The following CCDC93 variants were observed in gnomAD, a reference collection of about 807,000 sequenced individuals.
The protein encoded by CCDC93 is CCC complex scaffolding subunit CCDC93.
CCDC93 carries 61 observed loss-of-function variants against 108.2 expected under a neutral mutation model. The ratio of observed to expected loss-of-function variants is 0.56; its 90% CI spans 0.46 to 0.70. The LOEUF (loss-of-function observed/expected upper bound fraction) is 0.70, where lower values mean the gene tolerates loss of function less well. Ranked by LOEUF, CCDC93 falls within the 30% of genes least tolerant of loss-of-function variation. The probability of loss-of-function intolerance (pLI) is 0.00; values close to 1 mark genes in which losing one functional copy is unlikely to be tolerated. For missense variants in CCDC93, 685 were observed against 764.2 expected (o/e 0.90, Z 1.22); for synonymous variants, 276 against 260.4 (o/e 1.06, Z -0.58).
chr2:118,013,823 T>C (rs911013362), intron 1 of CCDC93, 131 bp downstream of exon 1: 2 of 783,374 alleles, frequency 2.6e-6, no homozygotes, highest in East Asian at 3.2e-5. Context: ...GGCGCTTCCC[T>C]GAGGTGGATA....
chr2:118,006,700 G>C, intron 3 of CCDC93, 22 bp downstream of exon 3: 1 of 1,456,492 alleles, frequency 6.9e-7, no homozygotes, highest in African/African-American at 1.4e-5. Flanking sequence ...CCCACCTTTA[G>C]GTTTTCCATA....
intron 18 of CCDC93, 101 bp from the exon 19 acceptor site, chr2:117,941,398 C>A: frequency 1.2e-6 from 1 of 824,514 alleles, no homozygotes; most frequent in South Asian, 1.5e-5. Flanking sequence ...TGAGCCCAAC[C>A]ATGCGCCCTA....
At chr2:117,953,866 C>A (rs769859836) in intron 12 of CCDC93, among the ~76,000 whole-genome samples, 1 of 151,908 alleles carries the variant, frequency 6.6e-6, no homozygotes, top group Non-Finnish European at 1.5e-5. Flanking sequence ...TGGACTCTAG[C>A]GTAGATGATG....
At chr2:117,998,740 G>A (rs928097264) in intron 4 of CCDC93, 13 of 152,026 alleles carry the variant, frequency 8.6e-5, no homozygotes, top group African/African-American at 2.7e-4. Context: ...AGTTAAAAAC[G>A]GTCTAATCTC....
At position 117,975,218 on chromosome 2, in the gene CCDC93, G is replaced by T; in HGVS notation, c.720C>A (p.His240Gln). 1 of 1,613,432 alleles carries T rather than the reference G, an allele frequency of 6.2e-7. No individual in the cohort carries two copies. Among genetic ancestry groups the T allele is most frequent in the Non-Finnish European group, 8.5e-7 (1 of 1,179,518 alleles). ...GLSATEKADA[H>Q]EEDELRAAEE... ...CAGCTGCTCGAAGCTCATCTTCCTCGTGGGCATCAGCTTTTTCTGTAGCTG... is the reference window on the plus strand; with the variant it reads ...CAGCTGCTCGAAGCTCATCTTCCTCTTGGGCATCAGCTTTTTCTGTAGCTG... Residue 240 changes from histidine to glutamine, a missense_variant, in exon 9 of 24, where the codon CAC becomes CAA. By Grantham distance (24) the His-to-Gln change is conservative. Coordinates refer to ENST00000376300, the MANE Select transcript of CCDC93 (RefSeq NM_019044.5).
chr2:117,936,843 G>A, intron 20 of CCDC93, 104 bp from the exon 21 acceptor site: 1 of 844,922 alleles, frequency 1.2e-6, no homozygotes, highest in Admixed American at 1.7e-5. Context: ...GCTTCTGCAA[G>A]GAACACATGC....
intron 6 of CCDC93, among the ~76,000 whole-genome samples, chr2:117,993,055 C>G (rs2104810122): frequency 6.6e-6 from 1 of 152,184 alleles, no homozygotes; most frequent in South Asian, 2.1e-4. Flanking sequence ...CTACCCAGGG[C>G]TCAGAGTGAG....
chr2:118,006,634 A>C, intron 3 of CCDC93, 88 bp downstream of exon 3: 1 of 751,198 alleles, frequency 1.3e-6, no homozygotes, highest in East Asian at 2.6e-5. Flanking sequence ...AAACTATGTA[A>C]AGTGTCCAAC....
intron 22 of CCDC93, among the ~76,000 whole-genome samples, chr2:117,933,045 G>C (rs1678397766): frequency 6.6e-6 from 1 of 152,216 alleles, no homozygotes; most frequent in Admixed American, 6.5e-5. Context: ...TGGCAACCTA[G>C]AAATAGTATG....
intron 12 of CCDC93, among the ~76,000 whole-genome samples, chr2:117,952,881 C>T (rs562864729): frequency 6.6e-6 from 1 of 152,262 alleles, no homozygotes; most frequent in African/African-American, 2.4e-5. Flanking sequence ...CACTTGAGAT[C>T]CCAGCATAAG....
At chr2:117,920,478 C>T (rs1259649657) in intron 23 of CCDC93, 82 bp from the exon 24 acceptor site, 6 of 950,152 alleles carry the variant, frequency 6.3e-6, no homozygotes, top group Non-Finnish European at 9.8e-6. Flanking sequence ...AAAGCCCTTC[C>T]CATATCCCTA....
intron 3 of CCDC93, among the ~76,000 whole-genome samples, chr2:118,003,598 G>C (rs1176275066): frequency 2.6e-5 from 4 of 152,094 alleles, no homozygotes; most frequent in African/African-American, 4.8e-5. Flanking sequence ...TTAAAAACAA[G>C]AGGCTGGGAC....
intron 11 of CCDC93, among the ~76,000 whole-genome samples, chr2:117,973,473 T>A (rs1679832427): frequency 6.6e-6 from 1 of 151,188 alleles, no homozygotes; most frequent in East Asian, 1.9e-4. Flanking sequence ...CATTCTATAC[T>A]CTTTTAATAA....
chr2:118,000,585 G>A, intron 4 of CCDC93: 1 of 430,886 alleles, frequency 2.3e-6, no homozygotes, highest in South Asian at 4.1e-5. Context: ...GCAATGAAAA[G>A]TCAGATGAGA....
chr2:118,006,202 G>T (rs1004092983), intron 3 of CCDC93, among the ~76,000 whole-genome samples: 1 of 152,164 alleles, frequency 6.6e-6, no homozygotes, highest in Non-Finnish European at 1.5e-5. Flanking sequence ...TCTCTCTTCT[G>T]ACGGATAAAA....
chr2:117,986,043 G>C lies in CCDC93; in HGVS notation c.546C>G (p.Tyr182Ter), dbSNP rs1323196016. Residue 182 changes from tyrosine (Y) to a stop codon, truncating the protein, a stop_gained, in exon 7 of 24, where the codon TAC (tyrosine) becomes TAG (stop). Coordinates refer to ENST00000376300, the MANE Select transcript of CCDC93 (RefSeq NM_019044.5). LOFTEE classifies it high-confidence loss of function. ...GCTCCTCTGCTCCCTGGTGGCGTTTGTATTTCCGACGGGGCTTGTACACTT... is the reference window on the plus strand; with the variant it reads ...GCTCCTCTGCTCCCTGGTGGCGTTTCTATTTCCGACGGGGCTTGTACACTT... ...LSEVYKPRRK[Y>*]KRHQGAEELL... 1.9e-6 allele frequency: 3 copies of C among 1,611,784 alleles called. No homozygotes were observed. Among genetic ancestry groups the C allele is most frequent in the Non-Finnish European group, 2.5e-6 (3 of 1,178,438 alleles).
chr2:117,966,700 A>C (rs903209244), intron 11 of CCDC93, among the ~76,000 whole-genome samples: 13 of 152,210 alleles, frequency 8.5e-5, no homozygotes, highest in Non-Finnish European at 1.5e-4. Context: ...GTTTTTTCAT[A>C]AGTACATCCT....
chr2:117,950,931 A>T lies in CCDC93; in HGVS notation c.1068+1442T>A, dbSNP rs17047569. 1,953 of 985,438 alleles carry T rather than the reference A, an allele frequency of 2.0e-3. 31 individuals carry two copies. In the African/African-American group the frequency reaches 0.031, roughly 16 times the overall value. 61.0% of individuals were successfully genotyped at this position (985,438 alleles called of 1,614,324 possible). A position where few individuals can be genotyped will look rare whatever the true frequency, so the allele number is the denominator to read the frequency against. On this transcript the variant is annotated intron_variant, in intron 13 of 23. Transcript: ENST00000376300. Reference sequence around the variant, plus strand: ...GCAAAAAGGAACGACGACTGCAGGAATGATATGCCCAGAGCAATGTTGGCT... The same window carrying T: ...GCAAAAAGGAACGACGACTGCAGGATTGATATGCCCAGAGCAATGTTGGCT...
Position 117,920,047 on chromosome 2 carries a change from C to T in CCDC93, c.*296G>A. On this transcript the variant is annotated 3_prime_UTR_variant, in exon 24 of 24. Coordinates refer to ENST00000376300, the MANE Select transcript of CCDC93 (RefSeq NM_019044.5). ...TCAGAGTCCATACAAATACAGGTACCTTCATAAGCGCAATGTTACTGGAGA... is the reference window on the plus strand; with the variant it reads ...TCAGAGTCCATACAAATACAGGTACTTTCATAAGCGCAATGTTACTGGAGA... 1 of 270,418 alleles carries T rather than the reference C, an allele frequency of 3.7e-6. No individual in the cohort carries two copies. Among genetic ancestry groups the T allele is most frequent in the Non-Finnish European group, 7.0e-6 (1 of 142,328 alleles). 16.8% of individuals were successfully genotyped at this position (270,418 alleles called of 1,614,324 possible).
Sources: gnomAD v4.1 joint callset for allele counts (sites outside exome capture counted in the v4.1 genomes callset) on GRCh38, gnomAD v4.1.1 for gene constraint, MANE v1.5 for transcripts, NCBI Gene and HGNC (gene_info 2026-07-23, HGNC 2026-07-21) for gene names.